Variants in NCAM2 observed in about 807,000 individuals in gnomAD.
NCAM2 encodes the protein neural cell adhesion molecule 2, also known as N-CAM-2.
A neutral mutation model predicts 98.1 loss-of-function variants in NCAM2; 30 were observed. That is an observed-to-expected ratio of 0.31 (90% CI 0.23 to 0.41). The LOEUF (loss-of-function observed/expected upper bound fraction) is 0.41, where lower values mean the gene tolerates loss of function less well. Among genes scored for constraint, NCAM2 ranks in the 10% least tolerant of loss-of-function variants. The pLI, the probability that NCAM2 is intolerant of heterozygous loss-of-function variation, is 1.00. For synonymous variants in NCAM2, 368 were observed against 342.4 expected, an observed-to-expected ratio of 1.07 and a Z score of -0.83; for missense variants, 867 against 1,005.8, an observed-to-expected ratio of 0.86 and a Z score of 1.87.
intron 12 of NCAM2, among the ~76,000 whole-genome samples, chr21:21,454,524 A>C (rs1981833018): frequency 6.6e-6 from 1 of 152,092 alleles, no homozygotes; most frequent in Admixed American, 6.6e-5. Flanking sequence ...GACTGTGTTC[A>C]AAATAATGTG....
At chr21:21,360,855 T>C (rs1414071479) in intron 8 of NCAM2, among the ~76,000 whole-genome samples, 1 of 152,046 alleles carries the variant, frequency 6.6e-6, no homozygotes, top group Non-Finnish European at 1.5e-5. Flanking sequence ...GTAAATTCTT[T>C]CTGCTGCCTA....
intron 1 of NCAM2, among the ~76,000 whole-genome samples, chr21:21,259,285 G>C (rs1028021203): frequency 6.6e-6 from 1 of 152,154 alleles, no homozygotes; most frequent in African/African-American, 2.4e-5. Context: ...CCATTTTGGT[G>C]GTAGCCACCA....
chr21:21,172,639 C>G (rs1375806697), intron 1 of NCAM2, among the ~76,000 whole-genome samples: 1 of 152,078 alleles, frequency 6.6e-6, no homozygotes, highest in Non-Finnish European at 1.5e-5. Flanking sequence ...CAGCCTTTAA[C>G]TGGATAAAGT....
rs187181334 is a variant in NCAM2, at chr21:21,413,999, G to A, written c.1383+3538G>A. On this transcript the variant is annotated intron_variant, in intron 10 of 17. Coordinates refer to ENST00000400546, the MANE Select transcript of NCAM2 (RefSeq NM_004540.5). ...GTAAATCCTCTCAAACCCTGTCACC[G>A]CTTTATCAACTAAGTTTATGTAATA... Among the ~76,000 whole-genome samples the A allele has an allele frequency of 7.9e-5, 12 of 152,204 alleles. No individual in the cohort carries two copies. In the East Asian group the frequency reaches 9.7e-4, roughly 12 times the overall value.
chr21:21,168,523 A>G (rs2068021532), intron 1 of NCAM2, among the ~76,000 whole-genome samples: 1 of 152,162 alleles, frequency 6.6e-6, no homozygotes, highest in Non-Finnish European at 1.5e-5. Context: ...CACAGATGAC[A>G]GGGGTGTTTA....
chr21:21,073,694 A>G (rs1044891966), intron 1 of NCAM2, among the ~76,000 whole-genome samples: 4 of 152,206 alleles, frequency 2.6e-5, no homozygotes, highest in Non-Finnish European at 4.4e-5. Context: ...TAAGTAATTA[A>G]TATCTGGAGG....
chr21:21,215,053 A>C (rs537888579), intron 1 of NCAM2, among the ~76,000 whole-genome samples: 78 of 152,076 alleles, frequency 5.1e-4, no homozygotes, highest in Middle Eastern at 3.4e-3. Context: ...GAAATATTGA[A>C]GGTCAGAGGC....
intron 1 of NCAM2, among the ~76,000 whole-genome samples, chr21:21,056,088 G>C (rs9636688): frequency 6.6e-6 from 1 of 151,946 alleles, no homozygotes; most frequent in Non-Finnish European, 1.5e-5. Flanking sequence ...TATTTGCACT[G>C]TATTAACTAC....
At chr21:21,411,529 T>G (rs2076887779) in intron 10 of NCAM2, among the ~76,000 whole-genome samples, 1 of 152,074 alleles carries the variant, frequency 6.6e-6, no homozygotes, top group Non-Finnish European at 1.5e-5. Context: ...AAGTGCCTCT[T>G]ATTTATTAAT....
intron 12 of NCAM2, among the ~76,000 whole-genome samples, chr21:21,463,021 T>C (rs892470332): frequency 3.3e-5 from 5 of 152,120 alleles, no homozygotes; most frequent in Non-Finnish European, 5.9e-5. Flanking sequence ...TTTAAGGTTC[T>C]GTTGTTCTGT....
In NCAM2 at chr21:21,039,730, C is replaced by CTT. The variant is rs529446018; in HGVS notation, c.55+41117_55+41118dup. Reference sequence around the variant, plus strand: ...GAACATTTTTCCAGGAAACTCATAACTTTTTTGCCGTAGACATATGCAAAT... The same window carrying CTT: ...GAACATTTTTCCAGGAAACTCATAACTTTTTTTTGCCGTAGACATATGCAAAT... On this transcript the variant is annotated intron_variant, in intron 1 of 17. Transcript: ENST00000400546. Among the ~76,000 whole-genome samples, 4 of 152,156 alleles carry CTT rather than the reference C, an allele frequency of 2.6e-5. No individual in the cohort carries two copies. The East Asian group carries it at 7.7e-4, about 29-fold the overall frequency.
At chr21:21,403,745 A>G (rs232451) in intron 9 of NCAM2, among the ~76,000 whole-genome samples, 60,316 of 151,956 alleles carry the variant, frequency 0.4, 12,517 homozygotes, top group East Asian at 0.58. Context: ...AAGTGAAGGT[A>G]GAATAAATGT....
intron 1 of NCAM2, among the ~76,000 whole-genome samples, chr21:21,110,756 G>A (rs565908978): frequency 6.6e-6 from 1 of 151,972 alleles, no homozygotes; most frequent in Non-Finnish European, 1.5e-5. Context: ...TCCTTTATGA[G>A]AAGGCAAAGG....
chr21:21,181,842 C>T (rs2068483135), intron 1 of NCAM2, among the ~76,000 whole-genome samples: 1 of 151,838 alleles, frequency 6.6e-6, no homozygotes, highest in African/African-American at 2.4e-5. Flanking sequence ...AGTCTGCTGC[C>T]TGTCTCCCTG....
chr21:21,128,636 CATTTA>C (rs1170574053), intron 1 of NCAM2, among the ~76,000 whole-genome samples: 1 of 152,026 alleles, frequency 6.6e-6, no homozygotes, highest in Non-Finnish European at 1.5e-5. Context: ...CTGTGTAAGT[CATTTA>C]ATTTGATTCT....
intron 9 of NCAM2, among the ~76,000 whole-genome samples, chr21:21,378,393 C>T (rs2148074555): frequency 6.6e-6 from 1 of 152,012 alleles, no homozygotes; most frequent in East Asian, 1.9e-4. Flanking sequence ...ATTTTTCACT[C>T]TGGTTTTAAT....
chr21:21,240,438 C>T (rs1397039680), intron 1 of NCAM2, among the ~76,000 whole-genome samples: 1 of 150,828 alleles, frequency 6.6e-6, no homozygotes, highest in Non-Finnish European at 1.5e-5. Flanking sequence ...AAGATGGATT[C>T]TTACATAAGA....
chr21:21,000,143 G>A (rs2063992396), intron 1 of NCAM2, among the ~76,000 whole-genome samples: 1 of 152,174 alleles, frequency 6.6e-6, no homozygotes, highest in Non-Finnish European at 1.5e-5. Context: ...ATGCACATAT[G>A]TCCTACAGAT....
chr21:21,083,563 G>A (rs2065852016), intron 1 of NCAM2, among the ~76,000 whole-genome samples: 2 of 151,728 alleles, frequency 1.3e-5, no homozygotes, highest in African/African-American at 4.8e-5. Flanking sequence ...GCAGATGCAT[G>A]TCACCACACC....
Sources: allele counts gnomAD v4.1 joint callset (sites outside exome capture counted in the v4.1 genomes callset), GRCh38; gene constraint gnomAD v4.1.1; transcripts MANE v1.5; gene names NCBI Gene and HGNC (gene_info 2026-07-23, HGNC 2026-07-21).